The following COL11A1 variants were observed in gnomAD, a reference collection of about 807,000 sequenced individuals.
COL11A1 encodes the protein collagen type XI alpha 1 chain.
Under a neutral mutation model 265.2 loss-of-function variants are expected in COL11A1, and 74 were observed. That is an observed-to-expected ratio of 0.28 (90% CI 0.23 to 0.34). The LOEUF (loss-of-function observed/expected upper bound fraction) is 0.34, where lower values mean the gene tolerates loss of function less well. Ranked by LOEUF, COL11A1 falls within the 10% of genes least tolerant of loss-of-function variation. COL11A1 has a pLI of 1.00. For missense variants in COL11A1, 2,165 were observed against 2,263.6 expected (o/e 0.96, Z 0.88); for synonymous variants, 816 against 727.6 (o/e 1.12, Z -1.96).
chr1:103,034,270 T>C (rs1668194911), intron 4 of COL11A1, among the ~76,000 whole-genome samples: 1 of 152,102 alleles, frequency 6.6e-6, no homozygotes. Context: ...GTTCAGTCAT[T>C]ACTTTGTTAA....
intron 4 of COL11A1, among the ~76,000 whole-genome samples, chr1:103,049,175 A>T (rs1056413718): frequency 3.9e-5 from 6 of 152,112 alleles, no homozygotes; most frequent in Non-Finnish European, 5.9e-5. Flanking sequence ...TGTCTCGTTG[A>T]TCTGTCTAAT....
At chr1:102,939,924 A>G in intron 43 of COL11A1, among the ~76,000 whole-genome samples, 1 of 152,168 alleles carries the variant, frequency 6.6e-6, no homozygotes, top group Admixed American at 6.5e-5. Flanking sequence ...TTGGTAAATG[A>G]TAACAGGATT....
rs1651460619 is a variant in COL11A1 at position 102,889,439 on chromosome 1, C to T, written c.4464+16G>A. 1 of 1,431,542 alleles carries T rather than the reference C, an allele frequency of 7.0e-7. No homozygotes were observed. Among genetic ancestry groups the T allele is most frequent in the African/African-American group, 1.4e-5 (1 of 69,814 alleles). 88.7% of individuals were successfully genotyped at this position (1,431,542 alleles called of 1,614,324 possible). A position where few individuals can be genotyped will look rare whatever the true frequency, so the allele number is the denominator to read the frequency against. On this transcript the variant is annotated intron_variant, in intron 59 of 66. Coordinates refer to ENST00000370096, the MANE Select transcript of COL11A1 (RefSeq NM_001854.4). ...ATTGGAAATGAGTAGAAAAAATAAC[C>T]TATATTTTTACTCACCCCATCCCCT...
rs1477601064 is a variant in COL11A1, at chr1:102,890,435, A to C, written c.4356+16T>G. On this transcript the variant is annotated intron_variant, in intron 58 of 66. Transcript: ENST00000370096. ...AAGCATATTCTTTTATTAATAACACATTCTTTTATTCTCACCTTTTCACCC... is the reference window on the plus strand; with the variant it reads ...AAGCATATTCTTTTATTAATAACACCTTCTTTTATTCTCACCTTTTCACCC... The C allele has an allele frequency of 1.2e-6, 2 of 1,600,608 alleles. No individual in the cohort carries two copies. The highest frequency in any genetic ancestry group is 2.7e-5 in the African/African-American group (2 of 74,554).
chr1:103,077,576 G>A (rs934384612), intron 3 of COL11A1, among the ~76,000 whole-genome samples: 2 of 151,826 alleles, frequency 1.3e-5, no homozygotes, highest in African/African-American at 4.8e-5. Context: ...TTTCTCTGTG[G>A]TCCTGACAAA....
intron 28 of COL11A1, among the ~76,000 whole-genome samples, chr1:102,990,554 T>A (rs760584204): frequency 5.5e-4 from 83 of 152,126 alleles, no homozygotes; most frequent in Non-Finnish European, 1.1e-3. Context: ...GGAAATATTT[T>A]CTATCATTCT....
chr1:103,026,251 G>T lies in COL11A1; in HGVS notation c.862C>A (p.Pro288Thr), dbSNP rs748315186. 5.6e-6 allele frequency: 9 copies of T among 1,613,274 alleles called. No individual in the cohort carries two copies. The highest frequency in any genetic ancestry group is 7.6e-6 in the Non-Finnish European group (9 of 1,179,482). ...GCTATTGTCTCCTCAGTTACAGTGG[G>T]TCCCTCTGTTACACTTTCAGCCTCT... Reference protein sequence around the residue: ...YKEAESVTEGPTVTEETIAQT... With the variant: ...YKEAESVTEGTTVTEETIAQT... Residue 288 changes from proline (P) to threonine (T), a missense_variant, in exon 6 of 67, where the codon CCC becomes ACC. Transcript: ENST00000370096.
chr1:102,942,853 G>GA, intron 42 of COL11A1, among the ~76,000 whole-genome samples: 1 of 151,976 alleles, frequency 6.6e-6, no homozygotes, highest in African/African-American at 2.4e-5. Context: ...TCACAATTCT[G>GA]AAAAATGATT....
At chr1:102,994,213 C>G (rs889219335) in intron 28 of COL11A1, among the ~76,000 whole-genome samples, 4 of 152,102 alleles carry the variant, frequency 2.6e-5, no homozygotes, top group African/African-American at 9.6e-5. Flanking sequence ...AAAATATTAG[C>G]ATGTGATATA....
At chr1:102,885,769 C>A (rs1650890822) in intron 63 of COL11A1, among the ~76,000 whole-genome samples, 1 of 151,968 alleles carries the variant, frequency 6.6e-6, no homozygotes, top group Non-Finnish European at 1.5e-5. Context: ...TTAAATAACA[C>A]CAGTTAAAAG....
chr1:102,920,457 T>C (rs778225588), intron 48 of COL11A1, 93 bp from the exon 49 acceptor site: 1 of 1,025,946 alleles, frequency 9.7e-7, no homozygotes, highest in Non-Finnish European at 1.5e-6. Flanking sequence ...AAAAGAGAAA[T>C]AGATGCATGA....
At position 102,878,185 on chromosome 1, in the gene COL11A1, T is replaced by TA. The variant is rs1245025879; in HGVS notation, c.5275-21dup. The TA allele has an allele frequency of 6.3e-7, 1 of 1,594,300 alleles. No homozygotes were observed. Among genetic ancestry groups the TA allele is most frequent in the Non-Finnish European group, 8.6e-7 (1 of 1,166,884 alleles). On this transcript the variant is annotated intron_variant, in intron 66 of 66. Coordinates refer to ENST00000370096, the MANE Select transcript of COL11A1 (RefSeq NM_001854.4). ...TCTGGACTGTAAAATAAAGCAGAAA[T>TA]AAAAAGTTATACAATCTTTTAATAT... is the stretch of plus-strand genomic sequence containing the variant.
chr1:103,095,648 C>T (rs186419521), intron 1 of COL11A1, among the ~76,000 whole-genome samples: 33 of 152,106 alleles, frequency 2.2e-4, no homozygotes, highest in Non-Finnish European at 3.5e-4. Context: ...AATTATCCCC[C>T]ATACCCACTT....
At chr1:102,915,085 T>C (rs1655166136) in intron 50 of COL11A1, among the ~76,000 whole-genome samples, 1 of 152,080 alleles carries the variant, frequency 6.6e-6, no homozygotes, top group African/African-American at 2.4e-5. Flanking sequence ...TTGTACTTTT[T>C]AGTAGAGACG....
intron 4 of COL11A1, among the ~76,000 whole-genome samples, chr1:103,049,533 T>C (rs1293442792): frequency 6.6e-6 from 1 of 152,222 alleles, no homozygotes; most frequent in Admixed American, 6.5e-5. Context: ...AGCACACTGA[T>C]GGGTCTTGAC....
chr1:102,974,263 T>G (rs2622878), intron 36 of COL11A1, among the ~76,000 whole-genome samples: 9,454 of 152,288 alleles, frequency 0.062, 603 homozygotes, highest in African/African-American at 0.16. Context: ...GTATTTCAAT[T>G]AACTTTATGA....
chr1:103,083,017 CTGATA>C (rs746167656), intron 1 of COL11A1, 45 bp from the exon 2 acceptor site: 2 of 1,567,796 alleles, frequency 1.3e-6, no homozygotes, highest in Non-Finnish European at 1.8e-6. Context: ...GAACAACGAT[CTGATA>C]TAACAATGAG....
intron 21 of COL11A1, 141 bp downstream of exon 21, chr1:103,003,074 A>T: frequency 1.1e-6 from 1 of 877,204 alleles, no homozygotes; most frequent in Non-Finnish European, 1.9e-6. Context: ...ATGATGAGTT[A>T]AAGTGAAAGG....
chr1:103,053,213 T>A (rs1161857863), intron 4 of COL11A1, among the ~76,000 whole-genome samples: 1 of 152,148 alleles, frequency 6.6e-6, no homozygotes, highest in Non-Finnish European at 1.5e-5. Context: ...GTACTTTGGA[T>A]CTCTATAGAG....
Sources: allele counts gnomAD v4.1 joint callset (sites outside exome capture counted in the v4.1 genomes callset), GRCh38; gene constraint gnomAD v4.1.1; transcripts MANE v1.5; gene names NCBI Gene and HGNC (gene_info 2026-07-23, HGNC 2026-07-21).